Variants in HDAC7 observed in about 807,000 individuals in gnomAD.
The protein encoded by HDAC7 is histone deacetylase 7A.
In HDAC7, 26 loss-of-function variants were observed where a neutral mutation model predicts 115.5. The observed-to-expected ratio is 0.23, with a 90% CI of 0.16 to 0.31. HDAC7 has a LOEUF of 0.31. Ranked by LOEUF, HDAC7 falls within the 10% of genes least tolerant of loss-of-function variation. The pLI is 1.00. For synonymous variants in HDAC7, 564 were observed against 550.9 expected, an observed-to-expected ratio of 1.02 and a Z score of -0.33; for missense variants, 1,068 against 1,329.0, an observed-to-expected ratio of 0.80 and a Z score of 3.05.
At position 47,791,387 on chromosome 12, in the gene HDAC7, C is replaced by T. The variant is rs1043500450; in HGVS notation, c.1934-79G>A. 5 of 1,434,962 alleles carry T rather than the reference C, an allele frequency of 3.5e-6. No individual in the cohort carries two copies. The Admixed American group carries it at 6.9e-5, about 20-fold the overall frequency. The allele number at this position is 1,434,962 out of a possible 1,614,324, so 88.9% of individuals were successfully genotyped here. A position where few individuals can be genotyped will look rare whatever the true frequency, so the allele number is the denominator to read the frequency against. ...AACAGGGAGCAGGGAGCCCAGAGAG[C>T]AGGGCCGGGTGAGTATTGGGGGAGA... On this transcript the variant is annotated intron_variant, in intron 15 of 25. Transcript: ENST00000080059.
In HDAC7 at chr12:47,797,415, G is replaced by A; in HGVS notation, c.546C>T (p.Asp182=). 2.5e-6 allele frequency: 4 copies of A among 1,614,178 alleles called. No individual in the cohort carries two copies. Among genetic ancestry groups the A allele is most frequent in the Non-Finnish European group, 2.5e-6 (3 of 1,180,030 alleles). The part of the protein sequence containing the change: ...FLPPVPSLPS[D]PPEHFPLRKT... ...TGCGCAGAGGGAAGTGCTCTGGGGG[G>A]TCACTGGGCAGGCTGGGAACAGGAG... The change falls in exon 6 of 26, where the codon GAC becomes GAT. Residue 182 remains aspartate, a synonymous_variant. Transcript: ENST00000080059. This position sits in a 1 kb window ranked among gnomAD's most constrained non-coding sequence, Gnocchi z 5.5.
In HDAC7 at chr12:47,783,460, GT is replaced by G; in HGVS notation, c.*380del. ...ACATTTCTGTGTGGAGCCTGAGGCTGTGTGCAAAGTCTGGGGTTTGCAGAGC... is the reference window on the plus strand; with the variant it reads ...ACATTTCTGTGTGGAGCCTGAGGCTGGTGCAAAGTCTGGGGTTTGCAGAGC... On this transcript the variant is annotated 3_prime_UTR_variant, in exon 26 of 26. Coordinates refer to ENST00000080059, the MANE Select transcript of HDAC7 (RefSeq NM_015401.5). The G allele has an allele frequency of 3.8e-6, 1 of 263,714 alleles. No individual in the cohort carries two copies. Among genetic ancestry groups the G allele is most frequent in the Non-Finnish European group, 7.6e-6 (1 of 132,020 alleles). The allele number at this position is 263,714 out of a possible 1,614,324, so 16.3% of individuals were successfully genotyped here. A position where few individuals can be genotyped will look rare whatever the true frequency, so the allele number is the denominator to read the frequency against.
At chr12:47,791,185 G>A (rs1343968077) in intron 16 of HDAC7, 74 bp downstream of exon 16, 2 of 1,360,614 alleles carry the variant, frequency 1.5e-6, no homozygotes, top group Non-Finnish European at 1.0e-6. Context: ...TGCAGGGGCT[G>A]GGCCTGGGAG....
At chr12:47,789,037 C>T (rs957189439) in intron 19 of HDAC7, 7 of 542,838 alleles carry the variant, frequency 1.3e-5, no homozygotes, top group Non-Finnish European at 6.5e-6. Context: ...AGCTCCTACT[C>T]GTTGCAGGGG....
intron 22 of HDAC7, 172 bp from the exon 23 acceptor site, chr12:47,786,057 C>T: frequency 1.4e-6 from 1 of 694,730 alleles, no homozygotes; most frequent in Non-Finnish European, 2.3e-6. Context: ...TACTAGTATG[C>T]TTCACTCAAG....
At position 47,797,285 on chromosome 12, in the gene HDAC7, GGCCCA is replaced by G; in HGVS notation, c.577+94_577+98del. ...GATCCTAGCCTACCGATGATCTCCT[GGCCCA>G]GCCCAGCCCGCCCACCCCTGCACAC... is the stretch of plus-strand genomic sequence containing the variant. On this transcript the variant is annotated intron_variant, in intron 6 of 25. Coordinates refer to ENST00000080059, the MANE Select transcript of HDAC7 (RefSeq NM_015401.5). This position sits in a 1 kb window ranked among gnomAD's most constrained non-coding sequence, Gnocchi z 5.5. 1 of 1,500,562 alleles carries G rather than the reference GGCCCA, an allele frequency of 6.7e-7. No homozygotes were observed. The highest frequency in any genetic ancestry group is 9.2e-7 in the Non-Finnish European group (1 of 1,089,692). 93.0% of individuals were successfully genotyped at this position (1,500,562 alleles called of 1,614,324 possible). A position where few individuals can be genotyped will look rare whatever the true frequency, so the allele number is the denominator to read the frequency against.
At chr12:47,799,747 T>G (rs1407725667) in intron 2 of HDAC7, among the ~76,000 whole-genome samples, 1 of 152,194 alleles carries the variant, frequency 6.6e-6, no homozygotes, top group Non-Finnish European at 1.5e-5. Flanking sequence ...AGGCTGTGGG[T>G]GCAGGGGCTA....
Position 47,796,277 on chromosome 12 carries a change from C to T in HDAC7, c.725G>A (p.Ser242Asn), listed in dbSNP as rs1238196368. The T allele has an allele frequency of 6.3e-7, 1 of 1,598,792 alleles. No homozygotes were observed. Residue 242 changes from serine (S) to asparagine (N), a missense_variant, in exon 8 of 26, where the codon AGC (serine) becomes AAC (asparagine). Physicochemically the swap from Ser to Asn is conservative, Grantham distance 46 (BLOSUM62 1). Transcript: ENST00000080059. ...TLGDSSPSSSSTPASGCSSPN... is the reference protein window; with the variant it reads ...TLGDSSPSSSNTPASGCSSPN... ...GGAGCTGCACCCTGATGCGGGCGTG[C>T]TGCTACTACTTGGGGAGGAGTCTGA...
intron 19 of HDAC7, 56 bp from the exon 20 acceptor site, chr12:47,788,220 G>C (rs1943279933): frequency 6.5e-7 from 1 of 1,532,028 alleles, no homozygotes; most frequent in Non-Finnish European, 8.8e-7. Context: ...GGCCAGGACA[G>C]GTTAGAAGGG....
At chr12:47,806,487 G>C (rs760666177) in intron 1 of HDAC7, among the ~76,000 whole-genome samples, 7 of 152,180 alleles carry the variant, frequency 4.6e-5, no homozygotes, top group Non-Finnish European at 1.0e-4. Flanking sequence ...TCAGGAGTTC[G>C]AGACCAGCTT....
chr12:47,794,608 T>C (rs1157886828), intron 12 of HDAC7, 152 bp downstream of exon 12: 1 of 679,278 alleles, frequency 1.5e-6, no homozygotes, highest in African/African-American at 1.9e-5. Flanking sequence ...TACACCTTAG[T>C]GTGGATCCAG....
rs1185903198 is a variant in HDAC7, at chr12:47,798,537, T to A, written c.349+25A>T. The A allele has an allele frequency of 9.3e-6, 15 of 1,607,410 alleles. No individual in the cohort carries two copies. The highest frequency in any genetic ancestry group is 1.3e-5 in the Non-Finnish European group (15 of 1,175,342). On this transcript the variant is annotated intron_variant, in intron 4 of 25. Coordinates refer to ENST00000080059, the MANE Select transcript of HDAC7 (RefSeq NM_015401.5). This position sits in a 1 kb window ranked among gnomAD's most constrained non-coding sequence, Gnocchi z 4.3. ...AGGCACCTGGCTGGTGGGGCTGGGC[T>A]GGGCTGGGGTGGCCACCTCCTTACT...
At position 47,812,032 on chromosome 12, in the gene HDAC7, G is replaced by A. The variant is rs117184848; in HGVS notation, c.19+7735C>T. Among the ~76,000 whole-genome samples, 860 of 152,346 alleles carry A rather than the reference G, an allele frequency of 5.6e-3. 1 individual carries two copies. Among genetic ancestry groups the A allele is most frequent in the Non-Finnish European group, 9.1e-3 (620 of 68,030 alleles). On this transcript the variant is annotated intron_variant, in intron 1 of 25. Coordinates refer to ENST00000080059, the MANE Select transcript of HDAC7 (RefSeq NM_015401.5). ...TTCTTCATAAGAGCAACAAGGGAAGGGCTAAAATAAAGTTCACCCCAGCAG... is the reference window on the plus strand; with the variant it reads ...TTCTTCATAAGAGCAACAAGGGAAGAGCTAAAATAAAGTTCACCCCAGCAG...
rs200798487 is a variant in HDAC7 at position 47,786,755 on chromosome 12, G to A, written c.2454-52C>T. Reference sequence around the variant, plus strand: ...ATCGTACTGTGCAGGGTTGCCAGGGGCGGTCCTGCCAACTTTGCGGTGGGG... The same window carrying A: ...ATCGTACTGTGCAGGGTTGCCAGGGACGGTCCTGCCAACTTTGCGGTGGGG... On this transcript the variant is annotated intron_variant, in intron 21 of 25. Transcript: ENST00000080059. The A allele has an allele frequency of 2.2e-4, 329 of 1,476,868 alleles. 2 individuals carry two copies. Among genetic ancestry groups the A allele is most frequent in the South Asian group, 9.3e-4 (81 of 87,000 alleles). The allele number at this position is 1,476,868 out of a possible 1,614,324, so 91.5% of individuals were successfully genotyped here. A position where few individuals can be genotyped will look rare whatever the true frequency, so the allele number is the denominator to read the frequency against.
chr12:47,789,434 G>T, intron 18 of HDAC7, 86 bp from the exon 19 acceptor site: 1 of 1,572,574 alleles, frequency 6.4e-7, no homozygotes, highest in Non-Finnish European at 8.7e-7. Context: ...GCCTGAGAAA[G>T]CTCAGGGAAG....
rs1180300254 is a variant in HDAC7, at chr12:47,795,615, G to A, written c.1059C>T (p.Pro353=). The change falls in exon 10 of 26, where the codon CCC becomes CCT. Residue 353 remains proline (P), a synonymous_variant. Coordinates refer to ENST00000080059, the MANE Select transcript of HDAC7 (RefSeq NM_015401.5). The surrounding 1 kb of genome is among the most constrained non-coding windows in gnomAD (Gnocchi z 4.3). ...TCAGCAGCGGGGCATGAGAGCCTGA[G>A]GGGTCCAGGAGGAGAATGGGCTGCA... is the stretch of plus-strand genomic sequence containing the variant. ...SRLQPILLLD[P]SGSHAPLLTV... The A allele has an allele frequency of 6.4e-7, 1 of 1,561,442 alleles. No individual in the cohort carries two copies. The highest frequency in any genetic ancestry group is 1.2e-5 in the South Asian group (1 of 84,688).
rs377538726 is a variant in HDAC7 at position 47,786,209 on chromosome 12, G to A, written c.2573-324C>T. On this transcript the variant is annotated intron_variant, in intron 22 of 25. Transcript: ENST00000080059. ...CTCTTCTTTCTGTACTCTGGGCCCT[G>A]TGGCCACCCTCTATTCTGAGAGTGC... 7.2e-5 allele frequency among the ~76,000 whole-genome samples: 11 copies of A among 152,240 alleles called. No homozygotes were observed. In the East Asian group the frequency reaches 1.9e-3, roughly 27 times the overall value.
At chr12:47,792,219 G>A (rs1943570295) in intron 13 of HDAC7, 8 of 578,552 alleles carry the variant, frequency 1.4e-5, no homozygotes, top group Non-Finnish European at 2.1e-5. Context: ...TTCCCCAGGT[G>A]GCAGCAGCCA....
At chr12:47,792,083 C>A in intron 13 of HDAC7, 79 bp from the exon 14 acceptor site, 1 of 1,479,258 alleles carries the variant, frequency 6.8e-7, no homozygotes. Flanking sequence ...CACGCCAGCA[C>A]CGCCACAGCA....
Sources: allele counts gnomAD v4.1 joint callset (sites outside exome capture counted in the v4.1 genomes callset), GRCh38; gene constraint gnomAD v4.1.1; non-coding constraint Gnocchi (gnomAD v3.1); transcripts MANE v1.5; gene names NCBI Gene and HGNC (gene_info 2026-07-23, HGNC 2026-07-21).